Variants in GAS2 observed in about 807,000 individuals in gnomAD.
GAS2 encodes the protein growth arrest-specific protein 2.
GAS2 carries 20 observed loss-of-function variants against 37.5 expected under a neutral mutation model. That is an observed-to-expected ratio of 0.53 (90% CI 0.37 to 0.77). The LOEUF is 0.77. Ranked by LOEUF, GAS2 falls within the 30% of genes least tolerant of loss-of-function variation. GAS2 has a pLI of 0.00. For synonymous variants in GAS2, 144 were observed against 132.2 expected (o/e 1.09, Z -0.61); for missense variants, 336 against 373.4 (o/e 0.90, Z 0.82).
At chr11:22,653,961 A>G (rs1339058914) in intron 1 of GAS2, among the ~76,000 whole-genome samples, 1 of 152,196 alleles carries the variant, frequency 6.6e-6, no homozygotes, top group African/African-American at 2.4e-5. Context: ...AAGAAAATCA[A>G]GTCACATGGA....
At chr11:22,709,850 T>C (rs1317984952) in intron 3 of GAS2, among the ~76,000 whole-genome samples, 1 of 152,194 alleles carries the variant, frequency 6.6e-6, no homozygotes, top group Non-Finnish European at 1.5e-5. Flanking sequence ...GATGAGTTCA[T>C]GTCCTTTGTA....
intron 7 of GAS2, among the ~76,000 whole-genome samples, chr11:22,803,180 T>G (rs1036858883): frequency 1.3e-5 from 2 of 152,074 alleles, no homozygotes; most frequent in African/African-American, 4.8e-5. Flanking sequence ...CTGTGAAGCA[T>G]TAAAATAAAA....
intron 7 of GAS2, among the ~76,000 whole-genome samples, chr11:22,805,093 A>ATT (rs201623098): frequency 6.8e-6 from 1 of 146,990 alleles, no homozygotes; most frequent in Non-Finnish European, 1.5e-5. Context: ...TGAGTGTTCA[A>ATT]TTTTTTTTTT....
intron 1 of GAS2, among the ~76,000 whole-genome samples, chr11:22,648,982 C>T (rs1389132751): frequency 6.6e-6 from 1 of 152,070 alleles, no homozygotes; most frequent in Non-Finnish European, 1.5e-5. Context: ...AGAGGGCATC[C>T]CTGTCTTGTG....
intron 3 of GAS2, among the ~76,000 whole-genome samples, chr11:22,687,133 T>C (rs1267856469): frequency 6.6e-6 from 1 of 152,060 alleles, no homozygotes; most frequent in African/African-American, 2.4e-5. Context: ...GAGATCAACC[T>C]GGGCAACATG....
intron 6 of GAS2, among the ~76,000 whole-genome samples, chr11:22,749,893 C>G (rs1184067873): frequency 6.6e-6 from 1 of 151,988 alleles, no homozygotes; most frequent in Non-Finnish European, 1.5e-5. Context: ...GGTATAACAG[C>G]AAACATGGTG....
At chr11:22,806,731 A>G (rs189555968) in intron 7 of GAS2, among the ~76,000 whole-genome samples, 1 of 152,360 alleles carries the variant, frequency 6.6e-6, no homozygotes, top group Admixed American at 6.5e-5. Context: ...CTGAGACGTC[A>G]GCAAGAATAA....
intron 7 of GAS2, among the ~76,000 whole-genome samples, chr11:22,780,770 A>G (rs763547121): frequency 1.8e-4 from 28 of 151,656 alleles, no homozygotes; most frequent in Non-Finnish European, 3.4e-4. Context: ...ATATGGTCCA[A>G]GGTGGTTCTG....
Position 22,749,119 on chromosome 11 carries a change from G to A in GAS2, c.474-1G>A. ...TGTAATGATCCAGGGTCTTTTTAAA[G>A]GTATGGTGTGGAGCCTCCTGGTTTG... On this transcript the variant is annotated splice_acceptor_variant, in intron 5 of 7. Coordinates refer to ENST00000454584, the MANE Select transcript of GAS2 (RefSeq NM_001143830.3). LOFTEE classifies it high-confidence loss of function. 1 of 1,609,480 alleles carries A rather than the reference G, an allele frequency of 6.2e-7. No individual in the cohort carries two copies. The highest frequency in any genetic ancestry group is 8.5e-7 in the Non-Finnish European group (1 of 1,177,960).
At chr11:22,675,646 A>G (rs904343233) in intron 2 of GAS2, among the ~76,000 whole-genome samples, 1 of 151,246 alleles carries the variant, frequency 6.6e-6, no homozygotes, top group African/African-American at 2.4e-5. Context: ...AATTTCAACT[A>G]TGTGAAAAAT....
At position 22,645,706 on chromosome 11, in the gene GAS2, G is replaced by C. The variant is rs1249701169; in HGVS notation, c.-21+19893G>C. 2.6e-5 allele frequency among the ~76,000 whole-genome samples: 4 copies of C among 151,990 alleles called. No homozygotes were observed. In the East Asian group the frequency reaches 5.8e-4, roughly 22 times the overall value. ...TAAATAAAGAATGTCAAATTTTATA[G>C]TGAAAATTTTTGTTAGTCAAAATTG... On this transcript the variant is annotated intron_variant, in intron 1 of 5. Transcript: ENST00000528582.
chr11:22,802,534 C>T (rs1856713654), intron 7 of GAS2, among the ~76,000 whole-genome samples: 1 of 150,560 alleles, frequency 6.6e-6, no homozygotes. Flanking sequence ...AGAAATGTTG[C>T]TTAAGTCAGT....
chr11:22,712,445 G>T (rs1176761427), intron 3 of GAS2, among the ~76,000 whole-genome samples: 1 of 152,142 alleles, frequency 6.6e-6, no homozygotes, highest in East Asian at 1.9e-4. Flanking sequence ...ATCCAGAAGG[G>T]TAATAACAGT....
chr11:22,793,986 G>C (rs891630057), intron 7 of GAS2, among the ~76,000 whole-genome samples: 12 of 152,216 alleles, frequency 7.9e-5, no homozygotes, highest in African/African-American at 2.9e-4. Context: ...AGGGGAATAA[G>C]ATCATTATTC....
At chr11:22,731,762 T>G (rs1020080525) in intron 4 of GAS2, among the ~76,000 whole-genome samples, 1 of 151,836 alleles carries the variant, frequency 6.6e-6, no homozygotes, top group African/African-American at 2.4e-5. Context: ...TAAGAGTATT[T>G]TTGTGGGAAA....
intron 3 of GAS2, among the ~76,000 whole-genome samples, chr11:22,699,549 G>A (rs1850721957): frequency 6.6e-6 from 1 of 152,140 alleles, no homozygotes. Context: ...TAGATACACA[G>A]TCATTTCACA....
chr11:22,659,690 AT>A (rs55897725), intron 1 of GAS2, among the ~76,000 whole-genome samples: 7,463 of 152,028 alleles, frequency 0.049, 359 homozygotes, highest in East Asian at 0.28. Flanking sequence ...TTCAAAAATG[AT>A]TTTTTTTCTC....
At chr11:22,724,548 A>G (rs1453354254) in intron 3 of GAS2, among the ~76,000 whole-genome samples, 1 of 151,996 alleles carries the variant, frequency 6.6e-6, no homozygotes, top group Non-Finnish European at 1.5e-5. Flanking sequence ...ATTATACTAC[A>G]CTATTTCTGA....
chr11:22,680,842 A>G (rs1849647072), intron 2 of GAS2, among the ~76,000 whole-genome samples: 1 of 152,196 alleles, frequency 6.6e-6, no homozygotes, highest in Non-Finnish European at 1.5e-5. Context: ...CATAGTGGCT[A>G]AAAGCATGGA....
Sources: gnomAD v4.1 joint callset for allele counts (sites outside exome capture counted in the v4.1 genomes callset) on GRCh38, gnomAD v4.1.1 for gene constraint, MANE v1.5 for transcripts, NCBI Gene and HGNC (gene_info 2026-07-23, HGNC 2026-07-21) for gene names.